Variants in MCPH1 observed in about 807,000 individuals in gnomAD.
The protein encoded by MCPH1 is microcephalin 1, also known as microcephalin.
MCPH1 carries 104 observed loss-of-function variants against 84.5 expected under a neutral mutation model. The ratio of observed to expected loss-of-function variants is 1.23; its 90% CI spans 1.05 to 1.45. The LOEUF (loss-of-function observed/expected upper bound fraction) is 1.45, where lower values mean the gene tolerates loss of function less well. Among genes scored for constraint, MCPH1 ranks in the 40% most tolerant of loss-of-function variants. The pLI, the probability that MCPH1 is intolerant of heterozygous loss-of-function variation, is 0.00. For missense variants in MCPH1, 1,498 were observed against 1,005.7 expected (o/e 1.49, Z -6.62); for synonymous variants, 514 against 366.8 (o/e 1.40, Z -4.58).
At position 6,607,864 on chromosome 8, in the gene MCPH1, T is replaced by A. The variant is rs75653073; in HGVS notation, c.2215-13590T>A. Among the ~76,000 whole-genome samples, 89 of 152,280 alleles carry A rather than the reference T, an allele frequency of 5.8e-4. No individual in the cohort carries two copies. The East Asian group carries it at 0.017, about 29-fold the overall frequency. On this transcript the variant is annotated intron_variant, in intron 12 of 13. Coordinates refer to ENST00000344683, the MANE Select transcript of MCPH1 (RefSeq NM_024596.5). ...TTCTTTCTCTTTATAAAGTATCCAG[T>A]CTTGGGTATGTCTATATCAGCAGCA... is the stretch of plus-strand genomic sequence containing the variant.
chr8:6,642,783 T>G, intron 13 of MCPH1: 1 of 615,578 alleles, frequency 1.6e-6, no homozygotes, highest in Non-Finnish European at 3.0e-6. Flanking sequence ...CTGGCCAGTG[T>G]GACTGAGAAC....
At chr8:6,436,373 C>T (rs1205145255) in intron 5 of MCPH1, among the ~76,000 whole-genome samples, 1 of 152,228 alleles carries the variant, frequency 6.6e-6, no homozygotes, top group African/African-American at 2.4e-5. Flanking sequence ...CGACCACAGT[C>T]TTAACCATTC....
At chr8:6,578,236 A>G (rs1249823775) in intron 12 of MCPH1, among the ~76,000 whole-genome samples, 3 of 152,184 alleles carry the variant, frequency 2.0e-5, no homozygotes, top group Non-Finnish European at 2.9e-5. Flanking sequence ...TCTTTCCCAA[A>G]CTGGTATTTC....
chr8:6,552,323 A>G (rs1229986725), intron 12 of MCPH1, among the ~76,000 whole-genome samples: 2 of 152,220 alleles, frequency 1.3e-5, no homozygotes, highest in Admixed American at 6.5e-5. Flanking sequence ...ACGCAGTCAC[A>G]GCAGTGTGTT....
chr8:6,608,641 T>C (rs1240011497), intron 12 of MCPH1, among the ~76,000 whole-genome samples: 1 of 152,164 alleles, frequency 6.6e-6, no homozygotes, highest in Non-Finnish European at 1.5e-5. Context: ...ATTAGAATCG[T>C]CTGGGGAGAA....
intron 12 of MCPH1, among the ~76,000 whole-genome samples, chr8:6,536,726 G>A (rs891105850): frequency 5.9e-5 from 9 of 152,084 alleles, no homozygotes; most frequent in East Asian, 1.9e-4. Flanking sequence ...AAATCACCAC[G>A]TATCAAGGAT....
chr8:6,645,185 C>G lies in MCPH1; in HGVS notation c.*2136C>G, dbSNP rs1275644570. The G allele has an allele frequency of 6.6e-6, 1 of 152,378 alleles. No individual in the cohort carries two copies. Among genetic ancestry groups the G allele is most frequent in the African/African-American group, 2.4e-5 (1 of 41,418 alleles). 9.4% of individuals were successfully genotyped at this position (152,378 alleles called of 1,614,324 possible). ...AGCCACGGAGCCAGCCCAGCCTCTG[C>G]CCACCCAGGCCTCAGTCCCCAGTGT... is the stretch of plus-strand genomic sequence containing the variant. On this transcript the variant is annotated 3_prime_UTR_variant, in exon 14 of 14. Transcript: ENST00000344683.
chr8:6,607,341 C>G (rs1417019974), intron 12 of MCPH1, among the ~76,000 whole-genome samples: 2 of 152,326 alleles, frequency 1.3e-5, no homozygotes, highest in East Asian at 3.9e-4. Flanking sequence ...CCACCACTAT[C>G]CACTCTTCAT....
chr8:6,640,283 G>T (rs2129583787), intron 13 of MCPH1, among the ~76,000 whole-genome samples: 1 of 152,170 alleles, frequency 6.6e-6, no homozygotes, highest in East Asian at 1.9e-4. Context: ...CTTAAATTCT[G>T]ATACACAAGG....
intron 12 of MCPH1, chr8:6,521,347 T>C: frequency 6.2e-7 from 1 of 1,613,840 alleles, no homozygotes; most frequent in Non-Finnish European, 8.5e-7. Context: ...CTTTCTCTTC[T>C]TTTATTGACT....
At chr8:6,486,342 T>A (rs1259853411) in intron 11 of MCPH1, among the ~76,000 whole-genome samples, 4 of 152,054 alleles carry the variant, frequency 2.6e-5, no homozygotes, top group African/African-American at 9.7e-5. Flanking sequence ...TCTAACCCTG[T>A]CTCCAATGTA....
At chr8:6,527,281 C>G (rs1818508766) in intron 12 of MCPH1, among the ~76,000 whole-genome samples, 1 of 151,964 alleles carries the variant, frequency 6.6e-6, no homozygotes. Context: ...AATAGATTAG[C>G]ATGCAGAATA....
At chr8:6,607,832 A>G (rs1254638314) in intron 12 of MCPH1, among the ~76,000 whole-genome samples, 2 of 152,206 alleles carry the variant, frequency 1.3e-5, no homozygotes, top group African/African-American at 4.8e-5. Context: ...CTGTGAGACC[A>G]TTAAACTTCT....
At chr8:6,631,836 G>A (rs1045379607) in intron 13 of MCPH1, among the ~76,000 whole-genome samples, 1 of 152,162 alleles carries the variant, frequency 6.6e-6, no homozygotes, top group African/African-American at 2.4e-5. Flanking sequence ...CCTCTTCTGG[G>A]TATATGCCAA....
At chr8:6,584,912 T>C (rs888369436) in intron 12 of MCPH1, among the ~76,000 whole-genome samples, 1 of 152,198 alleles carries the variant, frequency 6.6e-6, no homozygotes, top group African/African-American at 2.4e-5. Context: ...TCAGAAATAT[T>C]CAAGAGTCTC....
At chr8:6,502,983 C>T in intron 12 of MCPH1, 1 of 1,229,344 alleles carries the variant, frequency 8.1e-7, no homozygotes, top group Non-Finnish European at 1.1e-6. Context: ...GTCCCGTCAG[C>T]ACCGAGCACA....
At chr8:6,627,326 G>T in intron 13 of MCPH1, 1 of 980,826 alleles carries the variant, frequency 1.0e-6, no homozygotes, top group Non-Finnish European at 1.2e-6. Flanking sequence ...GAGAGTGGCA[G>T]AGAGGAGAGT....
At chr8:6,453,195 G>A (rs1023813174) in intron 8 of MCPH1, among the ~76,000 whole-genome samples, 1 of 152,170 alleles carries the variant, frequency 6.6e-6, no homozygotes, top group Non-Finnish European at 1.5e-5. Context: ...GCCAAAAGTG[G>A]AGTCCAACTA....
At chr8:6,606,338 A>C (rs1390284123) in intron 12 of MCPH1, among the ~76,000 whole-genome samples, 1 of 152,254 alleles carries the variant, frequency 6.6e-6, no homozygotes, top group African/African-American at 2.4e-5. Flanking sequence ...ATCAAATACA[A>C]TTCATTCCAA....
Sources: gnomAD v4.1 joint callset for allele counts (sites outside exome capture counted in the v4.1 genomes callset) on GRCh38, gnomAD v4.1.1 for gene constraint, MANE v1.5 for transcripts, NCBI Gene and HGNC (gene_info 2026-07-23, HGNC 2026-07-21) for gene names.